The following NRXN3 variants were observed in gnomAD, a reference collection of about 807,000 sequenced individuals.
NRXN3 encodes the protein neurexin 3.
A neutral mutation model predicts 137.6 loss-of-function variants in NRXN3; 32 were observed. The ratio of observed to expected loss-of-function variants is 0.23; its 90% CI spans 0.18 to 0.31. NRXN3 has a LOEUF of 0.31. Ranked by LOEUF, NRXN3 falls within the 10% of genes least tolerant of loss-of-function variation. The pLI, the probability that NRXN3 is intolerant of heterozygous loss-of-function variation, is 1.00. For missense variants in NRXN3, 1,574 were observed against 2,062.5 expected (o/e 0.76, Z 4.59); for synonymous variants, 798 against 784.5 (o/e 1.02, Z -0.29).
chr14:78,795,673 A>G (rs2098819439), intron 8 of NRXN3, among the ~76,000 whole-genome samples: 1 of 152,224 alleles, frequency 6.6e-6, no homozygotes, highest in Non-Finnish European at 1.5e-5. Context: ...GAAGAAAGGT[A>G]TGTGAAATAT....
Position 78,521,618 on chromosome 14 carries a change from A to G in NRXN3, c.758-123502A>G, listed in dbSNP as rs77862500. 2.0e-5 allele frequency among the ~76,000 whole-genome samples: 3 copies of G among 152,122 alleles called. No homozygotes were observed. In the East Asian group the frequency reaches 5.8e-4, roughly 29 times the overall value. ...TTGGGGGATGGATATAAGTTTGTGGATGGGGAAAACACTCTCAGATTATTC... is the reference window on the plus strand; with the variant it reads ...TTGGGGGATGGATATAAGTTTGTGGGTGGGGAAAACACTCTCAGATTATTC... On this transcript the variant is annotated intron_variant, in intron 4 of 20. Coordinates refer to ENST00000335750, the MANE Select transcript of NRXN3 (RefSeq NM_001330195.2).
intron 15 of NRXN3, among the ~76,000 whole-genome samples, chr14:79,104,151 T>G (rs777696586): frequency 1.3e-5 from 2 of 152,354 alleles, no homozygotes; most frequent in African/African-American, 2.4e-5. Flanking sequence ...TCCCTGTTCC[T>G]TCTATGCCAT....
intron 19 of NRXN3, among the ~76,000 whole-genome samples, chr14:79,731,259 C>T (rs148001598): frequency 2.4e-4 from 37 of 152,270 alleles, no homozygotes; most frequent in East Asian, 1.2e-3. Flanking sequence ...TTGGCTACCA[C>T]GGAGATAACT....
chr14:78,319,790 G>A (rs2205165), intron 4 of NRXN3, among the ~76,000 whole-genome samples: 137,601 of 152,300 alleles, frequency 0.9, 62,486 homozygotes, highest in East Asian at 1. Flanking sequence ...GTTCAGTCTT[G>A]TTTGATCTCA....
chr14:79,534,396 G>C (rs748874600), intron 16 of NRXN3, among the ~76,000 whole-genome samples: 2 of 152,162 alleles, frequency 1.3e-5, no homozygotes, highest in Non-Finnish European at 2.9e-5. Flanking sequence ...TATATTAAAA[G>C]AGGTTTTATA....
intron 15 of NRXN3, among the ~76,000 whole-genome samples, chr14:79,202,922 G>A (rs1404254946): frequency 1.3e-5 from 2 of 152,142 alleles, no homozygotes; most frequent in Non-Finnish European, 2.9e-5. Flanking sequence ...GGGTCAAAAT[G>A]TTGTTCTACT....
chr14:79,603,865 A>C (rs2097959389), intron 16 of NRXN3, among the ~76,000 whole-genome samples: 2 of 152,192 alleles, frequency 1.3e-5, no homozygotes, highest in Admixed American at 1.3e-4. Flanking sequence ...TGGGAATATA[A>C]ATAAATATGA....
intron 7 of NRXN3, among the ~76,000 whole-genome samples, chr14:78,712,400 T>G (rs2098413380): frequency 6.6e-6 from 1 of 152,120 alleles, no homozygotes; most frequent in African/African-American, 2.4e-5. Context: ...GTTATATAAG[T>G]GTTTGAAAGA....
chr14:78,556,536 A>G (rs963728655), intron 4 of NRXN3, among the ~76,000 whole-genome samples: 2 of 152,234 alleles, frequency 1.3e-5, no homozygotes, highest in African/African-American at 4.8e-5. Flanking sequence ...ATAATAATGC[A>G]TATACTAAAA....
chr14:78,287,876 A>G (rs2075346966), intron 3 of NRXN3, among the ~76,000 whole-genome samples: 1 of 152,154 alleles, frequency 6.6e-6, no homozygotes, highest in Admixed American at 6.5e-5. Flanking sequence ...GAAAAATGAC[A>G]CATTTTATTT....
intron 3 of NRXN3, among the ~76,000 whole-genome samples, chr14:78,283,818 CT>C (rs1435379084): frequency 6.6e-6 from 1 of 152,198 alleles, no homozygotes; most frequent in East Asian, 1.9e-4. Context: ...CTGTCTTCGG[CT>C]ACTTTTGAGC....
At chr14:78,633,290 T>C (rs1002121495) in intron 4 of NRXN3, among the ~76,000 whole-genome samples, 1 of 146,292 alleles carries the variant, frequency 6.8e-6, no homozygotes, top group African/African-American at 2.6e-5. Flanking sequence ...TAGCCTGAGA[T>C]GAAGAAATGA....
intron 15 of NRXN3, among the ~76,000 whole-genome samples, chr14:79,073,408 A>T (rs11159395): frequency 4.6e-5 from 7 of 151,922 alleles, no homozygotes; most frequent in Admixed American, 3.3e-4. Context: ...CTTAAAGACA[A>T]ATTGGCATTT....
intron 15 of NRXN3, among the ~76,000 whole-genome samples, chr14:79,423,280 A>G (rs1477112323): frequency 1.3e-5 from 2 of 152,182 alleles, no homozygotes; most frequent in African/African-American, 2.4e-5. Context: ...TTGCCATAGA[A>G]ATAGGAATAG....
intron 20 of NRXN3, among the ~76,000 whole-genome samples, chr14:79,809,916 T>C (rs1165828530): frequency 6.6e-6 from 1 of 152,172 alleles, no homozygotes. Flanking sequence ...GGAAGCCAAA[T>C]AGCAATTAAG....
At chr14:79,543,358 T>C (rs17109414) in intron 16 of NRXN3, among the ~76,000 whole-genome samples, 41,344 of 152,156 alleles carry the variant, frequency 0.27, 6,470 homozygotes, top group African/African-American at 0.42. Context: ...ACCATTGAGA[T>C]TGGAAACACA....
intron 1 of NRXN3, among the ~76,000 whole-genome samples, chr14:78,177,366 G>A (rs1035378528): frequency 7.9e-5 from 12 of 152,016 alleles, no homozygotes; most frequent in Admixed American, 7.9e-4. Flanking sequence ...TTCTAGACAA[G>A]TATGAATGTG....
chr14:79,667,590 T>C (rs1247310661), intron 17 of NRXN3, among the ~76,000 whole-genome samples: 3 of 152,090 alleles, frequency 2.0e-5, no homozygotes, highest in Admixed American at 1.3e-4. Flanking sequence ...AAAATAGTTC[T>C]ATAGCAATCG....
chr14:79,377,489 C>T (rs1240347483), intron 15 of NRXN3, among the ~76,000 whole-genome samples: 2 of 152,270 alleles, frequency 1.3e-5, no homozygotes, highest in African/African-American at 4.8e-5. Flanking sequence ...CATAGTGGCT[C>T]ATGCCTGTAA....
Sources: allele counts gnomAD v4.1 joint callset (sites outside exome capture counted in the v4.1 genomes callset), GRCh38; gene constraint gnomAD v4.1.1; transcripts MANE v1.5; gene names NCBI Gene and HGNC (gene_info 2026-07-23, HGNC 2026-07-21).